ABCB1: variants seen among roughly 807,000 people sequenced by gnomAD.
ABCB1 encodes the protein ATP binding cassette subfamily B member 1.
Under a neutral mutation model 142.0 loss-of-function variants are expected in ABCB1, and 69 were observed. The ratio of observed to expected loss-of-function variants is 0.49; its 90% CI spans 0.40 to 0.59. ABCB1 has a LOEUF of 0.59. Among genes scored for constraint, ABCB1 ranks in the 20% least tolerant of loss-of-function variants. ABCB1 has a pLI of 0.00. For synonymous variants in ABCB1, 532 were observed against 539.2 expected (o/e 0.99, Z 0.18); for missense variants, 1,326 against 1,554.7 (o/e 0.85, Z 2.47).
intron 1 of ABCB1, among the ~76,000 whole-genome samples, chr7:87,617,419 G>A (rs756963518): frequency 5.9e-5 from 9 of 152,152 alleles, no homozygotes; most frequent in Non-Finnish European, 1.2e-4. Flanking sequence ...TTAAAGTTTA[G>A]AAAACATTTA....
At chr7:87,566,272 G>T in intron 6 of ABCB1, 31 bp from the exon 7 acceptor site, 1 of 1,606,992 alleles carries the variant, frequency 6.2e-7, no homozygotes, top group East Asian at 2.2e-5. Context: ...AGAAATAATT[G>T]TCAGAATTGT....
chr7:87,586,128 C>T (rs1818741241), intron 3 of ABCB1, among the ~76,000 whole-genome samples: 1 of 151,968 alleles, frequency 6.6e-6, no homozygotes, highest in South Asian at 2.1e-4. Flanking sequence ...TAAAGACCTG[C>T]CAAACAATGG....
At chr7:87,583,540 A>G (rs1264649385) in intron 4 of ABCB1, among the ~76,000 whole-genome samples, 1 of 152,218 alleles carries the variant, frequency 6.6e-6, no homozygotes, top group South Asian at 2.1e-4. Context: ...CTAGATATCT[A>G]TGAAGATGGA....
chr7:87,622,334 G>T (rs1820253976), intron 1 of ABCB1, among the ~76,000 whole-genome samples: 1 of 152,046 alleles, frequency 6.6e-6, no homozygotes, highest in Non-Finnish European at 1.5e-5. Context: ...AAATAAATGT[G>T]CATTTTCATT....
chr7:87,678,666 A>G (rs991180459), intron 1 of ABCB1, among the ~76,000 whole-genome samples: 25 of 152,318 alleles, frequency 1.6e-4, no homozygotes, highest in Admixed American at 1.6e-3. Flanking sequence ...ACTGGGTAAA[A>G]AAAGGACTCA....
chr7:87,539,690 T>C (rs1192209199), intron 18 of ABCB1, among the ~76,000 whole-genome samples: 1 of 152,202 alleles, frequency 6.6e-6, no homozygotes, highest in Non-Finnish European at 1.5e-5. Flanking sequence ...TCCCTCCCCA[T>C]GTTACTAAGA....
At chr7:87,692,227 A>G (rs1585116639) in intron 1 of ABCB1, among the ~76,000 whole-genome samples, 1 of 152,212 alleles carries the variant, frequency 6.6e-6, no homozygotes, top group East Asian at 1.9e-4. Context: ...ACGGCAGGAT[A>G]ATCCATTGAG....
intron 1 of ABCB1, chr7:87,710,761 T>C (rs1206651025): frequency 1.0e-5 from 6 of 581,330 alleles, no homozygotes; most frequent in Non-Finnish European, 1.8e-5. Context: ...TCAACTGTTT[T>C]ATTTCCTCCT....
At chr7:87,652,344 T>C (rs1823657823) in intron 1 of ABCB1, among the ~76,000 whole-genome samples, 1 of 152,094 alleles carries the variant, frequency 6.6e-6, no homozygotes. Flanking sequence ...ACTATGTAAG[T>C]GGATGCCTCC....
rs550097465 is a variant in ABCB1, at chr7:87,683,435, C to T, written c.-331+29726G>A. 3.9e-5 allele frequency among the ~76,000 whole-genome samples: 6 copies of T among 152,234 alleles called. No homozygotes were observed. The South Asian group carries it at 1.0e-3, about 26-fold the overall frequency. ...CCTCAATAAGATTAATCGTGTACAG[C>T]TTTTGATTTAAAGTGAGATATATGC... On this transcript the variant is annotated intron_variant, in intron 1 of 28. Transcript: ENST00000265724.
chr7:87,708,312 T>G, intron 1 of ABCB1, among the ~76,000 whole-genome samples: 1 of 152,044 alleles, frequency 6.6e-6, no homozygotes. Flanking sequence ...AGAGGCCAAG[T>G]GTGTATATCT....
At position 87,516,345 on chromosome 7, in the gene ABCB1, A is replaced by T. The variant is rs538392878; in HGVS notation, c.3084+164T>A. ...TAACCTTTGCTACGTAAAAGTACTG[A>T]ATGTTGATGTATATTATTAGCAGTA... On this transcript the variant is annotated intron_variant, in intron 24 of 27. Coordinates refer to ENST00000622132, the MANE Select transcript of ABCB1 (RefSeq NM_001348946.2). Among the ~76,000 whole-genome samples the T allele has an allele frequency of 2.0e-5, 3 of 152,332 alleles. No individual in the cohort carries two copies. The South Asian group carries it at 6.2e-4, about 32-fold the overall frequency.
Position 87,595,754 on chromosome 7 carries a change from T to A in ABCB1, c.117+12A>T. ...CGAAGTATTTTGAATAGTTAATAAATTCAAAACTCACCATTGAAAATACAC... is the reference window on the plus strand; with the variant it reads ...CGAAGTATTTTGAATAGTTAATAAAATCAAAACTCACCATTGAAAATACAC... On this transcript the variant is annotated intron_variant, in intron 3 of 27. Transcript: ENST00000622132. 1 of 1,597,704 alleles carries A rather than the reference T, an allele frequency of 6.3e-7. No homozygotes were observed.
At chr7:87,658,572 C>G (rs1824360442) in intron 1 of ABCB1, among the ~76,000 whole-genome samples, 1 of 152,108 alleles carries the variant, frequency 6.6e-6, no homozygotes, top group African/African-American at 2.4e-5. Flanking sequence ...CAAATAAATT[C>G]ATGCCAAAGG....
At chr7:87,679,985 T>C (rs1326032707) in intron 1 of ABCB1, among the ~76,000 whole-genome samples, 1 of 150,422 alleles carries the variant, frequency 6.6e-6, no homozygotes, top group Non-Finnish European at 1.5e-5. Flanking sequence ...CATCAACCTG[T>C]CACCTACATT....
intron 24 of ABCB1, 116 bp downstream of exon 24, chr7:87,516,393 G>T: frequency 7.6e-7 from 1 of 1,324,036 alleles, no homozygotes; most frequent in Non-Finnish European, 1.1e-6. Context: ...CTATGATCTA[G>T]GAAGTTTTAT....
At chr7:87,548,868 C>T (rs1267657779) in intron 14 of ABCB1, among the ~76,000 whole-genome samples, 1 of 152,116 alleles carries the variant, frequency 6.6e-6, no homozygotes, top group African/African-American at 2.4e-5. Flanking sequence ...GGCTATCTGC[C>T]CCTTTCCTGG....
rs1815253865 is a variant in ABCB1 at position 87,516,488 on chromosome 7, CA to C, written c.3084+20del. The C allele has an allele frequency of 6.2e-7, 1 of 1,614,010 alleles. No individual in the cohort carries two copies. The highest frequency in any genetic ancestry group is 1.7e-5 in the Admixed American group (1 of 60,020). On this transcript the variant is annotated intron_variant, in intron 24 of 27. Coordinates refer to ENST00000622132, the MANE Select transcript of ABCB1 (RefSeq NM_001348946.2). ...ATTCAGGAGTCAGGAGTAGATCAAA[CA>C]GTTGAAACATCAAACTCACCGGCAT... is the stretch of plus-strand genomic sequence containing the variant.
intron 1 of ABCB1, chr7:87,627,997 T>G (rs1322863485): frequency 2.0e-5 from 3 of 152,174 alleles, no homozygotes; most frequent in Non-Finnish European, 4.4e-5. Flanking sequence ...AAAGGAACCC[T>G]CCTCCCTTCT....
Sources: allele counts gnomAD v4.1 joint callset (sites outside exome capture counted in the v4.1 genomes callset), GRCh38; gene constraint gnomAD v4.1.1; transcripts MANE v1.5; gene names NCBI Gene and HGNC (gene_info 2026-07-23, HGNC 2026-07-21).